ARMCX4: variants seen among roughly 807,000 people sequenced by gnomAD.
ARMCX4 encodes armadillo repeat-containing X-linked protein 4.
A neutral mutation model predicts 34.7 loss-of-function variants in ARMCX4; 3 were observed. The observed-to-expected ratio is 0.09, with a 90% CI of 0.04 to 0.22. The LOEUF is 0.22. Ranked by LOEUF, ARMCX4 falls within the 10% of genes least tolerant of loss-of-function variation. The pLI is 1.00. For missense variants in ARMCX4, 1,448 were observed against 1,720.8 expected, an observed-to-expected ratio of 0.84 and a Z score of 2.81; for synonymous variants, 513 against 632.8, an observed-to-expected ratio of 0.81 and a Z score of 2.84.
chrX:101,461,782 T>C (rs782496945), intron 4 of ARMCX4, among the ~76,000 whole-genome samples: 2 of 112,474 alleles, frequency 1.8e-5, no homozygotes, highest in South Asian at 7.2e-4. Flanking sequence ...TGATTTATTA[T>C]TTATTTTTAA....
chrX:101,509,973 C>T (rs1298450072), intron 10 of ARMCX4, among the ~76,000 whole-genome samples: 1 of 111,449 alleles, frequency 9.0e-6, no homozygotes, highest in Non-Finnish European at 1.9e-5. Flanking sequence ...CTAGGTAATA[C>T]ATTCACATGG....
At chrX:101,530,959 T>G (rs1935116643) in intron 11 of ARMCX4, among the ~76,000 whole-genome samples, 2 of 112,466 alleles carry the variant, frequency 1.8e-5, no homozygotes, top group Non-Finnish European at 3.8e-5. Context: ...TAACAAATTG[T>G]ATAAAATGTT....
chrX:101,488,065 A>G lies in ARMCX4; in HGVS notation c.-181A>G. ...TTAGGGTGTACTGCCAAGAGAAGCA[A>G]GAGGAGAGGAGGGAACTGCCTCGGA... On this transcript the variant is annotated 5_prime_UTR_variant, in exon 5 of 6. Coordinates refer to ENST00000423738, the MANE Select transcript of ARMCX4 (RefSeq NM_001256155.3). 1 of 943,956 alleles carries G rather than the reference A, an allele frequency of 1.1e-6. No homozygotes were observed. The highest frequency in any genetic ancestry group is 1.4e-6 in the Non-Finnish European group (1 of 730,410). 77.8% of individuals were successfully genotyped at this position (943,956 alleles called of 1,213,427 possible).
At position 101,514,708 on chromosome X, in the gene ARMCX4, A is replaced by G. The variant is rs1427633770; in HGVS notation, c.*1780+3653A>G. ...ATAAGAAAAAAATGATGCCCCTTCC[A>G]TGATGGTAGTGGTCCAACATAATCA... On this transcript the variant is annotated intron_variant and NMD_transcript_variant, in intron 11 of 12. Transcript: ENST00000354842. Among the ~76,000 whole-genome samples, 3 of 111,752 alleles carry G rather than the reference A, an allele frequency of 2.7e-5. No homozygotes were observed. In the East Asian group the frequency reaches 8.4e-4, roughly 31 times the overall value.
chrX:101,535,862 C>A (rs1935210238), downstream of ARMCX4, among the ~76,000 whole-genome samples: 1 of 111,141 alleles, frequency 9.0e-6, no homozygotes, highest in Admixed American at 9.6e-5. Context: ...ATATTTGGCA[C>A]CCCCTTAAAT....
intron 4 of ARMCX4, among the ~76,000 whole-genome samples, chrX:101,453,298 C>A (rs1555999470): frequency 8.9e-6 from 1 of 112,125 alleles, no homozygotes; most frequent in Non-Finnish European, 1.9e-5. Flanking sequence ...TTATGAAGGG[C>A]CACTAACATT....
intron 2 of ARMCX4, among the ~76,000 whole-genome samples, chrX:101,428,565 G>A (rs1161259460): frequency 8.9e-6 from 1 of 112,160 alleles, no homozygotes; most frequent in Non-Finnish European, 1.9e-5. Context: ...CCTTTTGTCA[G>A]TCTCCTTTCC....
At position 101,492,837 on chromosome X, in the gene ARMCX4, G is replaced by A. The variant is rs1041497530; in HGVS notation, c.4248G>A (p.Gly1416=). ...AGGCTGGTGGAGGGTCCAAGGTGGG[G>A]CCTGAAGACCAGTCCAGTGGAAGGT... ...GGQAGGGSKV[G]PEDQSSGRSW... The change falls in exon 6 of 6, where the codon GGG becomes GGA. Residue 1416 remains glycine, a synonymous_variant. Transcript: ENST00000423738. 9 of 1,153,934 alleles carry A rather than the reference G, an allele frequency of 7.8e-6. No individual in the cohort carries two copies. Among genetic ancestry groups the A allele is most frequent in the Non-Finnish European group, 1.0e-5 (9 of 872,363 alleles).
chrX:101,489,775 A>G lies in ARMCX4; in HGVS notation c.1186A>G (p.Met396Val), dbSNP rs1265163536. ...VISKAITGAD[M>V]RAAAQPQAVA... ...ATCTAAGGCAATAACTGGAGCTGAC[A>G]TGAGAGCTGCTGCTCAGCCTCAAGC... The change falls in exon 6 of 6, where the codon ATG (methionine) becomes GTG (valine). Residue 396 changes from methionine to valine, a missense_variant. This residue lies in a region of ARMCX4 where 1,343 missense variants were observed against 1,540.7 expected (regional missense o/e 0.87). Coordinates refer to ENST00000423738, the MANE Select transcript of ARMCX4 (RefSeq NM_001256155.3). The G allele has an allele frequency of 8.7e-7, 1 of 1,155,899 alleles. No homozygotes were observed.
At chrX:101,446,524 T>G (rs782333637), downstream of ARMCX4, among the ~76,000 whole-genome samples, 6 of 112,138 alleles carry the variant, frequency 5.4e-5, no homozygotes, top group Non-Finnish European at 1.1e-4. Context: ...TATCTGCTGT[T>G]GCATAACAAC....
At chrX:101,465,790 T>C (rs1294716709) in intron 4 of ARMCX4, among the ~76,000 whole-genome samples, 5 of 112,126 alleles carry the variant, frequency 4.5e-5, no homozygotes, top group Non-Finnish European at 9.4e-5. Flanking sequence ...TTTCACTACA[T>C]GAAAGGCATA....
intron 2 of ARMCX4, among the ~76,000 whole-genome samples, chrX:101,429,267 T>C (rs1555991544): frequency 9.1e-6 from 1 of 110,187 alleles, no homozygotes; most frequent in East Asian, 2.8e-4. Context: ...CAATGACTTA[T>C]CTTCTATGAT....
chrX:101,495,375 A>T lies in ARMCX4; in HGVS notation c.6786A>T (p.Ala2262=). The T allele has an allele frequency of 1.7e-6, 2 of 1,152,830 alleles. No homozygotes were observed. The highest frequency in any genetic ancestry group is 2.3e-6 in the Non-Finnish European group (2 of 871,723). ...ATTTCCTATTCCAACGACCTAAAGC[A>T]TGTGCCAAGAAACTTCGAGCCTTAG... is the stretch of plus-strand genomic sequence containing the variant. The part of the protein sequence containing the change: ...SLYFLFQRPK[A]CAKKLRALAA... Residue 2262 remains alanine (A), a synonymous_variant, in exon 6 of 6, where the codon GCA becomes GCT. Coordinates refer to ENST00000423738, the MANE Select transcript of ARMCX4 (RefSeq NM_001256155.3).
At chrX:101,495,851 A>C (rs1934165217), downstream of ARMCX4, 1 of 123,827 alleles carries the variant, frequency 8.1e-6, no homozygotes, top group Non-Finnish European at 1.7e-5. Context: ...TTGGAAAGGC[A>C]AGATATATGG....
chrX:101,531,202 G>A (rs1556022082), intron 11 of ARMCX4, among the ~76,000 whole-genome samples: 1 of 111,323 alleles, frequency 9.0e-6, no homozygotes, highest in African/African-American at 3.3e-5. Flanking sequence ...TTACAAGGAC[G>A]CTGTGATTAC....
chrX:101,461,688 G>C (rs1556001232), intron 4 of ARMCX4, among the ~76,000 whole-genome samples: 2 of 111,155 alleles, frequency 1.8e-5, no homozygotes, highest in African/African-American at 3.3e-5. Flanking sequence ...AATACACAAG[G>C]GTTCCAATTT....
chrX:101,455,658 C>CT (rs781902804), intron 4 of ARMCX4, among the ~76,000 whole-genome samples: 2 of 111,613 alleles, frequency 1.8e-5, no homozygotes, highest in Non-Finnish European at 3.8e-5. Flanking sequence ...TATATGAATA[C>CT]TTTTTTTCTC....
intron 11 of ARMCX4, among the ~76,000 whole-genome samples, chrX:101,522,127 T>C (rs1215772280): frequency 8.9e-6 from 1 of 111,811 alleles, no homozygotes; most frequent in Non-Finnish European, 1.9e-5. Flanking sequence ...TATTATTGAA[T>C]TGTATATTTT....
chrX:101,511,486 C>T (rs1934579915), intron 11 of ARMCX4, among the ~76,000 whole-genome samples: 1 of 111,239 alleles, frequency 9.0e-6, no homozygotes, highest in Non-Finnish European at 1.9e-5. Flanking sequence ...TTACTCTCAG[C>T]TTCCTTTTTA....
Sources: allele counts gnomAD v4.1 joint callset (sites outside exome capture counted in the v4.1 genomes callset), GRCh38; gene constraint gnomAD v4.1.1; regional missense constraint gnomAD v4.1.1; transcripts MANE v1.5; gene names NCBI Gene and HGNC (gene_info 2026-07-23, HGNC 2026-07-21).